Variants in RYR1 observed in about 807,000 individuals in gnomAD.
RYR1 encodes the protein central core disease of muscle.
In RYR1, 342 loss-of-function variants were observed where a neutral mutation model predicts 583.5. That is an observed-to-expected ratio of 0.59 (90% CI 0.54 to 0.64). The LOEUF (loss-of-function observed/expected upper bound fraction) is 0.64, where lower values mean the gene tolerates loss of function less well. RYR1 is among the 30% of genes least tolerant of loss of function. RYR1 has a pLI of 0.00. For synonymous variants in RYR1, 2,791 were observed against 2,822.5 expected (o/e 0.99, Z 0.35); for missense variants, 6,032 against 6,917.2 (o/e 0.87, Z 4.54).
intron 93 of RYR1, among the ~76,000 whole-genome samples, chr19:38,569,080 G>A (rs1194530733): frequency 6.6e-6 from 1 of 151,676 alleles, no homozygotes; most frequent in African/African-American, 2.4e-5. Context: ...GCACAATCTC[G>A]GCTCACTGCA....
intron 70 of RYR1, among the ~76,000 whole-genome samples, chr19:38,524,872 C>T (rs1481159472): frequency 6.6e-6 from 1 of 151,798 alleles, no homozygotes; most frequent in Non-Finnish European, 1.5e-5. Context: ...ACTGGGGTTC[C>T]TAGGGGATTC....
intron 96 of RYR1, among the ~76,000 whole-genome samples, chr19:38,573,750 G>C (rs976288141): frequency 6.6e-6 from 1 of 151,438 alleles, no homozygotes; most frequent in Non-Finnish European, 1.5e-5. Context: ...TTCTCCCCAA[G>C]TCTTACTCTT....
At chr19:38,540,416 A>G (rs202097138) in intron 84 of RYR1, among the ~76,000 whole-genome samples, 2,191 of 131,592 alleles carry the variant, frequency 0.017, 76 homozygotes, top group Admixed American at 0.058. Context: ...ACCTCCAATC[A>G]TATACTACAG....
In RYR1 at chr19:38,464,722, C is replaced by T. The variant is rs201827275; in HGVS notation, c.2870C>T (p.Thr957Met). Reference sequence around the variant, plus strand: ...CTGAAGAAGACAAAACTCCCCAAGACGTGAGTGTGGGCAGCCAGGTCCCGT... The same window carrying T: ...CTGAAGAAGACAAAACTCCCCAAGATGTGAGTGTGGGCAGCCAGGTCCCGT... ...DNLKKTKLPK[T>M]YMMSNGYKPA... Residue 957 changes from threonine to methionine, a missense_variant and splice_region_variant, in exon 23 of 106, where the codon ACG becomes ATG. Physicochemically the swap from Thr to Met is moderately conservative, Grantham distance 81 (BLOSUM62 -1). Around this residue, in one of 11 missense-constraint regions of RYR1, gnomAD observed 2,627 missense variants for 2,961.3 expected, o/e 0.89. Coordinates refer to ENST00000359596, the MANE Select transcript of RYR1 (RefSeq NM_000540.3). The T allele has an allele frequency of 3.2e-5, 50 of 1,578,694 alleles. No individual in the cohort carries two copies. The highest frequency in any genetic ancestry group is 3.3e-4 in the Middle Eastern group (2 of 6,044).
intron 13 of RYR1, 117 bp from the exon 14 acceptor site, chr19:38,455,118 A>G (rs908300236): frequency 8.0e-7 from 1 of 1,245,896 alleles, no homozygotes; most frequent in Non-Finnish European, 1.2e-6. Flanking sequence ...GCTGATTTAG[A>G]TCTGGGAACA....
At position 38,433,869 on chromosome 19, in the gene RYR1, C is replaced by T. The variant is rs200665559; in HGVS notation, c.40C>T (p.Arg14Trp). Residue 14 changes from arginine to tryptophan, a missense_variant, in exon 1 of 106, where the codon CGG (arginine) becomes TGG (tryptophan). Around this residue, in one of 11 missense-constraint regions of RYR1, gnomAD observed 71 missense variants for 75.3 expected, o/e 0.94. Coordinates refer to ENST00000359596, the MANE Select transcript of RYR1 (RefSeq NM_000540.3). ...AGGCGAAGACGAGGTCCAGTTCCTG[C>T]GGACGGTGCGTATCTCTGGGTTAGG... ...AEGEDEVQFL[R>W]TDDEVVLQCS... 4 of 1,613,156 alleles carry T rather than the reference C, an allele frequency of 2.5e-6. No homozygotes were observed. Among genetic ancestry groups the T allele is most frequent in the East Asian group, 2.2e-5 (1 of 44,866 alleles).
At chr19:38,454,840 G>T (rs1046613356) in intron 13 of RYR1, among the ~76,000 whole-genome samples, 1 of 151,964 alleles carries the variant, frequency 6.6e-6, no homozygotes, top group Admixed American at 6.6e-5. Flanking sequence ...TCTGATGGTT[G>T]GTGTGGAGAA....
chr19:38,522,856 A>C (rs1056915576), intron 67 of RYR1, among the ~76,000 whole-genome samples, 172 bp from the exon 68 acceptor site: 1 of 149,646 alleles, frequency 6.7e-6, no homozygotes, highest in Admixed American at 6.7e-5. Flanking sequence ...AGGCTGAGAC[A>C]GAGAAAAAAA....
Position 38,565,547 on chromosome 19 carries a change from GGCGAGGGTGCCA to G in RYR1, c.13221_13232del (p.Ser4409_Ala4412del), listed in dbSNP as rs1272045757. 1.3e-6 allele frequency: 2 copies of G among 1,492,980 alleles called. No homozygotes were observed. The highest frequency in any genetic ancestry group is 1.5e-5 in the African/African-American group (1 of 68,684). The allele number at this position is 1,492,980 out of a possible 1,614,324, so 92.5% of individuals were successfully genotyped here. A position where few individuals can be genotyped will look rare whatever the true frequency, so the allele number is the denominator to read the frequency against. Reference sequence around the variant, plus strand: ...GGCCGGGCCGGGCGGAGACGCAGACGGCGAGGGTGCCAGCGAGGGCGCTGGAGACGCCGCGGA... The same window carrying G: ...GGCCGGGCCGGGCGGAGACGCAGACGGCGAGGGCGCTGGAGACGCCGCGGA... On this transcript the variant is annotated inframe_deletion, in exon 91 of 106. Transcript: ENST00000359596. The surrounding 1 kb of genome is among the most constrained non-coding windows in gnomAD (Gnocchi z 4.7).
chr19:38,536,489 G>A (rs1422218952), intron 82 of RYR1, among the ~76,000 whole-genome samples: 3 of 150,998 alleles, frequency 2.0e-5, no homozygotes, highest in Non-Finnish European at 4.4e-5. Flanking sequence ...CTACCTCTAT[G>A]TCTTCATCTC....
At chr19:38,527,604 G>C (rs767114433) in intron 72 of RYR1, 43 bp from the exon 73 acceptor site, 1 of 1,612,310 alleles carries the variant, frequency 6.2e-7, no homozygotes, top group Non-Finnish European at 8.5e-7. Context: ...GGACACTGTG[G>C]GAAGGGTCCC....
chr19:38,523,496 T>A lies in RYR1; in HGVS notation c.10440+187T>A, dbSNP rs552502445. On this transcript the variant is annotated intron_variant, in intron 69 of 105. Coordinates refer to ENST00000359596, the MANE Select transcript of RYR1 (RefSeq NM_000540.3). ...AGCTCCTTCCTCCTCCTGTATCTTC[T>A]CCCTCCTCCCATCTCCCTCCTCCTC... 4.7e-4 allele frequency: 306 copies of A among 653,840 alleles called. 4 individuals carry two copies. In the South Asian group the frequency reaches 5.1e-3, roughly 11 times the overall value. 40.5% of individuals were successfully genotyped at this position (653,840 alleles called of 1,614,324 possible). A position where few individuals can be genotyped will look rare whatever the true frequency, so the allele number is the denominator to read the frequency against.
At chr19:38,472,984 C>G (rs1321600305) in intron 27 of RYR1, among the ~76,000 whole-genome samples, 1 of 150,816 alleles carries the variant, frequency 6.6e-6, no homozygotes, top group Non-Finnish European at 1.5e-5. Flanking sequence ...CTATTGCACT[C>G]CAGCCTGGGC....
Position 38,455,269 on chromosome 19 carries a change from G to T in RYR1, c.1475G>T (p.Arg492Leu). The T allele has an allele frequency of 6.2e-7, 1 of 1,614,010 alleles. No individual in the cohort carries two copies. Among genetic ancestry groups the T allele is most frequent in the South Asian group, 1.1e-5 (1 of 91,060 alleles). ...TCCATGGTCCTGAATTGCATAGACC[G>T]CCTAAATGTCTACACCACTGCTGCC... ...MLSMVLNCID[R>L]LNVYTTAAHF... The change falls in exon 14 of 106, where the codon CGC becomes CTC. Residue 492 changes from arginine (R) to leucine (L), a missense_variant. This residue lies in a region of RYR1 where 2,627 missense variants were observed against 2,961.3 expected (regional missense o/e 0.89). Coordinates refer to ENST00000359596, the MANE Select transcript of RYR1 (RefSeq NM_000540.3).
chr19:38,528,744 G>A (rs1383175149), intron 75 of RYR1, 49 bp downstream of exon 75: 3 of 1,590,916 alleles, frequency 1.9e-6, no homozygotes, highest in South Asian at 1.1e-5. Context: ...GGATAGGGCT[G>A]GGGCGGAGGC....
chr19:38,485,755 G>A lies in RYR1; in HGVS notation c.5100G>A (p.Ala1700=), dbSNP rs367860602. 6.2e-6 allele frequency: 10 copies of A among 1,612,756 alleles called. No individual in the cohort carries two copies. In the African/African-American group the frequency reaches 6.7e-5, roughly 11 times the overall value. ...QAQLLHALED[A]HLPGPLRAGY... ...AGCTGCTGCACGCCCTGGAGGACGCGCACCTGCCAGGCCCACTGCGCGCAG... is the reference window on the plus strand; with the variant it reads ...AGCTGCTGCACGCCCTGGAGGACGCACACCTGCCAGGCCCACTGCGCGCAG... The change falls in exon 34 of 106, where the codon GCG becomes GCA. Residue 1700 remains alanine, a synonymous_variant. Coordinates refer to ENST00000359596, the MANE Select transcript of RYR1 (RefSeq NM_000540.3).
intron 99 of RYR1, among the ~76,000 whole-genome samples, chr19:38,578,769 C>T (rs1042458702): frequency 2.0e-5 from 3 of 150,932 alleles, no homozygotes; most frequent in Non-Finnish European, 3.0e-5. Context: ...CCAGCCTGGG[C>T]GACAGAATGA....
rs1013479372 is a variant in RYR1 at position 38,440,608 on chromosome 19, A to G, written c.46-137A>G. ...TCTCAAGGAGTTGTCAGGAGCAGGT[A>G]GAGGGCTTGGGTGGGTTGATCTTGT... On this transcript the variant is annotated intron_variant, in intron 1 of 105. Transcript: ENST00000359596. 12 of 820,484 alleles carry G rather than the reference A, an allele frequency of 1.5e-5. No homozygotes were observed. The African/African-American group carries it at 1.7e-4, about 12-fold the overall frequency. 50.8% of individuals were successfully genotyped at this position (820,484 alleles called of 1,614,324 possible). A position where few individuals can be genotyped will look rare whatever the true frequency, so the allele number is the denominator to read the frequency against.
At chr19:38,556,637 T>C (rs1236245429) in intron 89 of RYR1, among the ~76,000 whole-genome samples, 1 of 152,018 alleles carries the variant, frequency 6.6e-6, no homozygotes, top group African/African-American at 2.4e-5. Context: ...CAATCCACCC[T>C]CCTCAGCCAC....
Sources: gnomAD v4.1 joint callset for allele counts (sites outside exome capture counted in the v4.1 genomes callset) on GRCh38, gnomAD v4.1.1 for gene constraint, gnomAD v4.1.1 regional missense constraint, Gnocchi (gnomAD v3.1) non-coding constraint, MANE v1.5 for transcripts, NCBI Gene and HGNC (gene_info 2026-07-23, HGNC 2026-07-21) for gene names.